Variants in TTC23L observed in about 807,000 individuals in gnomAD.
The protein encoded by TTC23L is tetratricopeptide repeat protein 23-like.
TTC23L carries 42 observed loss-of-function variants against 48.1 expected under a neutral mutation model. The ratio of observed to expected loss-of-function variants is 0.87; its 90% CI spans 0.68 to 1.13. The LOEUF (loss-of-function observed/expected upper bound fraction) is 1.13, where lower values mean the gene tolerates loss of function less well. TTC23L is among the 50% of genes most tolerant of loss of function. The probability of loss-of-function intolerance (pLI) is 0.00; values close to 1 mark genes in which losing one functional copy is unlikely to be tolerated. For missense variants in TTC23L, 391 were observed against 421.0 expected (o/e 0.93, Z 0.62); for synonymous variants, 159 against 157.2 (o/e 1.01, Z -0.09).
At chr5:34,919,791 T>A in the TTC23L span, 1 of 615,108 alleles carries the variant, frequency 1.6e-6, no homozygotes, top group Non-Finnish European at 2.7e-6. Flanking sequence ...TGAAATAACT[T>A]TGAAATCACC....
At chr5:34,918,798 C>T in the TTC23L span, 15 of 197,208 alleles carry the variant, frequency 7.6e-5, no homozygotes, top group Non-Finnish European at 1.3e-4. Context: ...TAAGGACTGC[C>T]ACATGTTGCT....
chr5:34,876,027 C>T (rs575032824), intron 8 of TTC23L, among the ~76,000 whole-genome samples: 2 of 152,144 alleles, frequency 1.3e-5, no homozygotes, highest in Non-Finnish European at 1.5e-5. Context: ...CAACACATAT[C>T]TAAATGTGTG....
chr5:34,892,777 C>A (rs909310615), intron 9 of TTC23L, among the ~76,000 whole-genome samples: 1 of 152,118 alleles, frequency 6.6e-6, no homozygotes, highest in African/African-American at 2.4e-5. Context: ...CCCGATATTG[C>A]TGAGGAAAAG....
chr5:34,887,396 T>C (rs1287347234), intron 9 of TTC23L, among the ~76,000 whole-genome samples: 2 of 152,050 alleles, frequency 1.3e-5, no homozygotes, highest in African/African-American at 4.8e-5. Flanking sequence ...ATGAGTGAAA[T>C]GAGCAGGGGT....
chr5:34,922,055 C>A, the TTC23L span: 2 of 411,740 alleles, frequency 4.9e-6, no homozygotes, highest in East Asian at 3.8e-5. Context: ...CTAAGAGGAA[C>A]TTTAAAGGTT....
intron 8 of TTC23L, among the ~76,000 whole-genome samples, chr5:34,877,950 A>G (rs919372067): frequency 2.0e-5 from 3 of 152,250 alleles, no homozygotes; most frequent in Admixed American, 1.3e-4. Context: ...ATCAACAAAA[A>G]TATCTGGAAT....
intron 3 of TTC23L, among the ~76,000 whole-genome samples, chr5:34,846,266 A>T (rs978698098): frequency 6.9e-5 from 10 of 145,650 alleles, no homozygotes; most frequent in African/African-American, 5.1e-5. Context: ...ACTTAAAATT[A>T]AAAAAAAAAA....
intron 1 of TTC23L, chr5:34,839,615 C>T: frequency 2.0e-6 from 2 of 985,238 alleles, no homozygotes; most frequent in Non-Finnish European, 2.4e-6. Flanking sequence ...TAGTGACTCT[C>T]CCTTTCTGAT....
downstream of TTC23L, among the ~76,000 whole-genome samples, chr5:34,904,154 A>C (rs559098891): frequency 1.4e-3 from 212 of 151,530 alleles, 1 homozygote; most frequent in African/African-American, 4.8e-3. Context: ...TTTTTTTTAG[A>C]GATGGAGTCT....
intron 8 of TTC23L, among the ~76,000 whole-genome samples, chr5:34,875,074 A>C (rs1343686438): frequency 6.6e-6 from 1 of 152,216 alleles, no homozygotes; most frequent in Non-Finnish European, 1.5e-5. Flanking sequence ...TTTCAGCCAG[A>C]ACAAACTTAG....
chr5:34,919,371 TTTTTTTG>T, the TTC23L span, among the ~76,000 whole-genome samples: 1 of 149,734 alleles, frequency 6.7e-6, no homozygotes, highest in East Asian at 2.0e-4. Flanking sequence ...TGCTTTGGGG[TTTTTTTG>T]TTTTTTGTTT....
exon 4 of TTC23L, chr5:34,850,213 G>T (rs934198849): frequency 2.5e-6 from 4 of 1,613,852 alleles, no homozygotes; most frequent in East Asian, 2.2e-5. Context: ...GAGCTGATTC[G>T]ATGTGTCATC....
chr5:34,855,568 C>A (rs1188593248), intron 4 of TTC23L, among the ~76,000 whole-genome samples: 1 of 152,106 alleles, frequency 6.6e-6, no homozygotes, highest in South Asian at 2.1e-4. Context: ...TAAATACACA[C>A]TGATAACATG....
Position 34,879,626 on chromosome 5 carries a change from A to C in TTC23L, c.950-555A>C, listed in dbSNP as rs1762082419. 2.6e-5 allele frequency among the ~76,000 whole-genome samples: 4 copies of C among 152,188 alleles called. No homozygotes were observed. In the South Asian group the frequency reaches 8.3e-4, roughly 31 times the overall value. On this transcript the variant is annotated intron_variant, in intron 8 of 10. Coordinates refer to ENST00000505624, the Ensembl canonical transcript of TTC23L. The stretch of plus-strand genomic sequence containing the variant: ...AGCATAATAAGATTATTCAGACAGA[A>C]GCTTTCTTTTTTGCTACAAAAAATT...
chr5:34,847,464 A>G (rs1759301264), intron 3 of TTC23L, among the ~76,000 whole-genome samples: 1 of 144,242 alleles, frequency 6.9e-6, no homozygotes, highest in Non-Finnish European at 1.5e-5. Context: ...TATATCAGTT[A>G]TAGCTCAATA....
chr5:34,848,357 T>G (rs572836189), intron 3 of TTC23L, among the ~76,000 whole-genome samples: 2 of 152,320 alleles, frequency 1.3e-5, no homozygotes, highest in Admixed American at 6.5e-5. Context: ...CCAACCCATC[T>G]TTAACCTTGC....
chr5:34,911,760 C>A, the TTC23L span: 11 of 1,614,170 alleles, frequency 6.8e-6, no homozygotes, highest in Non-Finnish European at 9.3e-6. Context: ...CCAGGAACAG[C>A]ATCAAAGGGT....
At chr5:34,909,250 G>C in the TTC23L span, 1 of 1,578,048 alleles carries the variant, frequency 6.3e-7, no homozygotes, top group African/African-American at 1.4e-5. Flanking sequence ...TCTATATTAA[G>C]AACTGACCTG....
chr5:34,891,682 T>C (rs1197994852), intron 9 of TTC23L, among the ~76,000 whole-genome samples: 1 of 152,152 alleles, frequency 6.6e-6, no homozygotes, highest in Non-Finnish European at 1.5e-5. Flanking sequence ...AGAGAAAAAA[T>C]GCATGATGTT....
Sources: gnomAD v4.1 joint callset for allele counts (sites outside exome capture counted in the v4.1 genomes callset) on GRCh38, gnomAD v4.1.1 for gene constraint, MANE v1.5 for transcripts, NCBI Gene and HGNC (gene_info 2026-07-23, HGNC 2026-07-21) for gene names.